PCGF3: variants seen among roughly 807,000 people sequenced by gnomAD.
PCGF3 encodes polycomb group RING finger protein 3.
In PCGF3, 7 loss-of-function variants were observed where a neutral mutation model predicts 33.1. That is an observed-to-expected ratio of 0.21 (90% CI 0.12 to 0.40). The LOEUF (loss-of-function observed/expected upper bound fraction) is 0.40. Among genes scored for constraint, PCGF3 ranks in the 10% least tolerant of loss-of-function variants. PCGF3 has a pLI of 1.00. For missense variants in PCGF3, 211 were observed against 313.3 expected (o/e 0.67, Z 2.46); for synonymous variants, 153 against 121.3 (o/e 1.26, Z -1.72).
intron 1 of PCGF3, among the ~76,000 whole-genome samples, chr4:712,843 T>C (rs941773822): frequency 6.6e-6 from 1 of 152,276 alleles, no homozygotes; most frequent in Non-Finnish European, 1.5e-5. Context: ...TGGGCTTTGC[T>C]ACATTAACAG....
intron 1 of PCGF3, among the ~76,000 whole-genome samples, chr4:729,099 CAAAAAAAAAAAAAAA>C (rs34927260): frequency 2.2e-4 from 9 of 40,266 alleles, no homozygotes; most frequent in Admixed American, 4.2e-4. Flanking sequence ...GACTCCATCT[CAAAAAAAAAAAAAAA>C]AAAAAAAAAA....
chr4:768,209 C>G (rs1466464342), exon 11 of PCGF3: 2 of 152,694 alleles, frequency 1.3e-5, no homozygotes, highest in South Asian at 2.1e-4. Flanking sequence ...GTTAACCTGA[C>G]AAAACCTCAG....
chr4:764,418 G>A (rs1375936878), intron 9 of PCGF3: 1 of 152,522 alleles, frequency 6.6e-6, no homozygotes, highest in East Asian at 1.9e-4. Flanking sequence ...GCCGTGGGAG[G>A]GGGCTGGTGT....
intron 4 of PCGF3, 86 bp downstream of exon 4, chr4:733,875 C>A (rs114585256): frequency 6.2e-7 from 1 of 1,606,760 alleles, no homozygotes; most frequent in Non-Finnish European, 8.5e-7. Context: ...TGTTACCACA[C>A]GCTTTTAGCT....
chr4:728,769 C>A (rs1743432151), intron 1 of PCGF3, among the ~76,000 whole-genome samples: 1 of 152,220 alleles, frequency 6.6e-6, no homozygotes, highest in Non-Finnish European at 1.5e-5. Context: ...ACAGGAGCCA[C>A]TGGCCACAGT....
intron 5 of PCGF3, among the ~76,000 whole-genome samples, chr4:737,181 G>A (rs1415678135): frequency 1.3e-5 from 2 of 152,142 alleles, no homozygotes; most frequent in Non-Finnish European, 2.9e-5. Context: ...CGCACGGGAC[G>A]TGGGGAATCT....
In PCGF3 at chr4:765,925, GGACTGTGCCTCACGGGACGT is replaced by G. The variant is rs1223480082; in HGVS notation, c.682-104_682-85del. The G allele has an allele frequency of 2.6e-5, 25 of 964,160 alleles. No individual in the cohort carries two copies. In the African/African-American group the frequency reaches 4.0e-4, roughly 15 times the overall value. The allele number at this position is 964,160 out of a possible 1,614,324, so 59.7% of individuals were successfully genotyped here. A position where few individuals can be genotyped will look rare whatever the true frequency, so the allele number is the denominator to read the frequency against. ...AGGGTCTCTGTGCAGCCCTGCATGT[GGACTGTGCCTCACGGGACGT>G]GATTCCTCAGCACCCTTCCCGATGA... is the stretch of plus-strand genomic sequence containing the variant. On this transcript the variant is annotated intron_variant, in intron 10 of 10. Transcript: ENST00000362003.
intron 1 of PCGF3, among the ~76,000 whole-genome samples, chr4:728,920 TG>T (rs1743436849): frequency 6.6e-6 from 1 of 151,690 alleles, no homozygotes; most frequent in Non-Finnish European, 1.5e-5. Flanking sequence ...GGCAACATGG[TG>T]AAACCCCATC....
chr4:747,777 C>T (rs923412377), intron 8 of PCGF3, among the ~76,000 whole-genome samples: 2 of 152,186 alleles, frequency 1.3e-5, no homozygotes, highest in Admixed American at 1.3e-4. Context: ...CCTGGGAGCA[C>T]CGAGGGAGGG....
chr4:712,643 T>G (rs2109515555), intron 1 of PCGF3, among the ~76,000 whole-genome samples: 1 of 152,254 alleles, frequency 6.6e-6, no homozygotes, highest in East Asian at 1.9e-4. Context: ...AGATGGGGTT[T>G]TGCCATGTTG....
At chr4:731,463 C>A in intron 3 of PCGF3, 1 of 308,584 alleles carries the variant, frequency 3.2e-6, no homozygotes, top group Non-Finnish European at 6.0e-6. Flanking sequence ...CAGGGAGGTC[C>A]TCAGGGGCGC....
chr4:707,212 AGGGCCCGGGGG>A (rs1742344770), intron 1 of PCGF3, among the ~76,000 whole-genome samples: 4 of 125,272 alleles, frequency 3.2e-5, no homozygotes, highest in Admixed American at 3.0e-4. Flanking sequence ...GCCACCTGGC[AGGGCCCGGGGG>A]GGCTAGGACC....
At chr4:749,431 T>C (rs913613372) in intron 8 of PCGF3, among the ~76,000 whole-genome samples, 2 of 151,054 alleles carry the variant, frequency 1.3e-5, no homozygotes, top group African/African-American at 2.4e-5. Context: ...CCCAAAGTTC[T>C]AGAATTACAG....
chr4:748,579 G>A (rs958881005), intron 8 of PCGF3, among the ~76,000 whole-genome samples: 14 of 152,366 alleles, frequency 9.2e-5, no homozygotes, highest in Admixed American at 2.6e-4. Context: ...TCCAACGTGG[G>A]ATGTGATGGC....
intron 5 of PCGF3, 69 bp downstream of exon 5, chr4:735,096 T>C (rs1743771166): frequency 6.7e-7 from 1 of 1,501,738 alleles, no homozygotes. Flanking sequence ...TGTGTGGGCC[T>C]TCCCAGGCCA....
intron 1 of PCGF3, among the ~76,000 whole-genome samples, chr4:713,849 A>G (rs1412111272): frequency 6.6e-6 from 1 of 152,176 alleles, no homozygotes; most frequent in African/African-American, 2.4e-5. Flanking sequence ...CAGGGCAGGC[A>G]TCATTGGAAT....
At chr4:743,682 A>G (rs2152591306) in intron 7 of PCGF3, 98 bp downstream of exon 7, 1 of 708,026 alleles carries the variant, frequency 1.4e-6, no homozygotes, top group East Asian at 2.8e-5. Context: ...TCCCACACGC[A>G]CTCACGGGAG....
intron 8 of PCGF3, chr4:757,350 G>C (rs1366844094): frequency 6.6e-6 from 1 of 152,288 alleles, no homozygotes; most frequent in South Asian, 2.1e-4. Flanking sequence ...GCGGCTGCCT[G>C]TTGAGGGCAG....
chr4:706,691 C>T (rs1204568046), intron 1 of PCGF3, among the ~76,000 whole-genome samples: 14 of 115,630 alleles, frequency 1.2e-4, no homozygotes, highest in South Asian at 3.4e-4. Flanking sequence ...CGCGGGAGGG[C>T]AGGGACCCCA....
Sources: gnomAD v4.1 joint callset for allele counts (sites outside exome capture counted in the v4.1 genomes callset) on GRCh38, gnomAD v4.1.1 for gene constraint, MANE v1.5 for transcripts, NCBI Gene and HGNC (gene_info 2026-07-23, HGNC 2026-07-21) for gene names.